The following RAB5C variants were observed in gnomAD, a reference collection of about 807,000 sequenced individuals.
RAB5C encodes the protein ras-related protein Rab-5C.
A neutral mutation model predicts 25.2 loss-of-function variants in RAB5C; 4 were observed. That is an observed-to-expected ratio of 0.16 (90% CI 0.08 to 0.36). The LOEUF (loss-of-function observed/expected upper bound fraction) is 0.36, where lower values mean the gene tolerates loss of function less well. Among genes scored for constraint, RAB5C ranks in the 10% least tolerant of loss-of-function variants. The pLI is 1.00. For synonymous variants in RAB5C, 100 were observed against 106.4 expected (o/e 0.94, Z 0.37); for missense variants, 199 against 283.8 (o/e 0.70, Z 2.15).
chr17:42,150,543 T>C (rs1249676052), intron 1 of RAB5C, among the ~76,000 whole-genome samples: 1 of 22,154 alleles, frequency 4.5e-5, no homozygotes, highest in Non-Finnish European at 7.0e-5. Context: ...AAACTCCATC[T>C]CAAAAAAAAA....
At chr17:42,129,854 C>G (rs892600579) in intron 2 of RAB5C, among the ~76,000 whole-genome samples, 1 of 152,212 alleles carries the variant, frequency 6.6e-6, no homozygotes, top group Admixed American at 6.5e-5. Flanking sequence ...TAAATGCTGA[C>G]CACTGGAAAA....
At chr17:42,133,569 G>GC (rs2054507302) in intron 1 of RAB5C, among the ~76,000 whole-genome samples, 1 of 152,204 alleles carries the variant, frequency 6.6e-6, no homozygotes, top group Non-Finnish European at 1.5e-5. Flanking sequence ...TTGGCACAGA[G>GC]CCCAGCATCT....
rs1464086645 is a variant in RAB5C, at chr17:42,149,897, G to A, written c.-89+4996C>T. 8.2e-5 allele frequency among the ~76,000 whole-genome samples: 4 copies of A among 48,520 alleles called. No homozygotes were observed. In the South Asian group the frequency reaches 3.1e-3, roughly 37 times the overall value. 31.8% of individuals were successfully genotyped at this position (48,520 alleles called of 152,430 possible). ...GCTGGTTTTTTTTTTTTTTTTTTTT[G>A]AGATAGACTCTTGGTCTGTTGCCCA... On this transcript the variant is annotated intron_variant, in intron 1 of 5. Transcript: ENST00000346213.
At chr17:42,131,784 G>A in intron 1 of RAB5C, 1 of 593,574 alleles carries the variant, frequency 1.7e-6, no homozygotes, top group Non-Finnish European at 3.0e-6. Context: ...GTTAAGTTTT[G>A]GAATTGCAGA....
rs138477310 is a variant in RAB5C, at chr17:42,153,648, A to G, written c.-89+1245T>C. On this transcript the variant is annotated intron_variant, in intron 1 of 5. Transcript: ENST00000346213. ...GTCCCTTCCTCCACTGTAGATAGCA[A>G]GGGTCAGTCATGGCCTCAGAGCCAG... Among the ~76,000 whole-genome samples, 141 of 152,312 alleles carry G rather than the reference A, an allele frequency of 9.3e-4. 1 individual carries two copies. In the Middle Eastern group the frequency reaches 0.01, roughly 11 times the overall value.
intron 1 of RAB5C, among the ~76,000 whole-genome samples, chr17:42,146,686 T>C (rs780510578): frequency 1.3e-4 from 20 of 150,528 alleles, no homozygotes; most frequent in Admixed American, 3.3e-4. Flanking sequence ...GAGACGGAGG[T>C]TGCAGTGAGC....
At chr17:42,135,816 G>C (rs915973049) in intron 1 of RAB5C, among the ~76,000 whole-genome samples, 1 of 152,134 alleles carries the variant, frequency 6.6e-6, no homozygotes, top group African/African-American at 2.4e-5. Context: ...TGAGTGTCTC[G>C]TGTACTTCCT....
chr17:42,151,163 G>A (rs1421943531), intron 1 of RAB5C, among the ~76,000 whole-genome samples: 3 of 152,006 alleles, frequency 2.0e-5, no homozygotes, highest in Non-Finnish European at 4.4e-5. Context: ...CTGGCCAGGC[G>A]CAGTGGCTCA....
At chr17:42,137,583 A>G (rs1304473258) in intron 1 of RAB5C, among the ~76,000 whole-genome samples, 1 of 152,158 alleles carries the variant, frequency 6.6e-6, no homozygotes, top group Non-Finnish European at 1.5e-5. Flanking sequence ...TAGTATGAAG[A>G]AAATAATATT....
intron 1 of RAB5C, chr17:42,154,514 G>C (rs1215695021): frequency 6.6e-6 from 1 of 152,306 alleles, no homozygotes; most frequent in Non-Finnish European, 1.5e-5. Flanking sequence ...TTGTGGGACA[G>C]GAGGAAGGAA....
chr17:42,146,316 A>G (rs1295348263), intron 1 of RAB5C, among the ~76,000 whole-genome samples: 2 of 152,260 alleles, frequency 1.3e-5, no homozygotes, highest in Non-Finnish European at 2.9e-5. Flanking sequence ...ACGTACTAAC[A>G]TAAGATGTTA....
At chr17:42,138,039 C>T (rs549131525) in intron 1 of RAB5C, among the ~76,000 whole-genome samples, 2 of 152,304 alleles carry the variant, frequency 1.3e-5, no homozygotes, top group South Asian at 4.1e-4. Context: ...GATATATTTA[C>T]TGTTTGGGCT....
At chr17:42,129,321 G>T (rs114772763) in intron 2 of RAB5C, among the ~76,000 whole-genome samples, 1,671 of 152,226 alleles carry the variant, frequency 0.011, 36 homozygotes, top group African/African-American at 0.038. Flanking sequence ...ACCAGGCTGA[G>T]GCTGGGTGGC....
At chr17:42,130,901 G>T (rs2144066767) in intron 1 of RAB5C, among the ~76,000 whole-genome samples, 1 of 152,246 alleles carries the variant, frequency 6.6e-6, no homozygotes, top group East Asian at 1.9e-4. Flanking sequence ...AACACACACA[G>T]GCGATGAATG....
chr17:42,126,359 G>T (rs575784332), intron 5 of RAB5C, among the ~76,000 whole-genome samples: 2 of 152,098 alleles, frequency 1.3e-5, no homozygotes, highest in Non-Finnish European at 2.9e-5. Flanking sequence ...GGGGCTGGGC[G>T]CAGTGGCTTA....
At chr17:42,142,414 T>C (rs1400449799) in intron 1 of RAB5C, among the ~76,000 whole-genome samples, 1 of 152,128 alleles carries the variant, frequency 6.6e-6, no homozygotes. Flanking sequence ...AGTTCAGTTG[T>C]TGAGAGGGCT....
chr17:42,125,935 A>AC, intron 5 of RAB5C, 37 bp from the exon 6 acceptor site: 6 of 1,439,314 alleles, frequency 4.2e-6, no homozygotes, highest in East Asian at 2.4e-5. Flanking sequence ...TGTTGGGGGT[A>AC]CCCCAATAAC....
intron 2 of RAB5C, among the ~76,000 whole-genome samples, 181 bp from the exon 3 acceptor site, chr17:42,128,981 G>T (rs1319979235): frequency 6.6e-6 from 1 of 152,086 alleles, no homozygotes; most frequent in South Asian, 2.1e-4. Context: ...TTATGTATGT[G>T]TCTGGGGGAC....
At chr17:42,135,537 G>A (rs941968342) in intron 1 of RAB5C, among the ~76,000 whole-genome samples, 1 of 152,136 alleles carries the variant, frequency 6.6e-6, no homozygotes, top group Admixed American at 6.5e-5. Context: ...AGCTACAGTT[G>A]ATATACGAAG....
Sources: allele counts gnomAD v4.1 joint callset (sites outside exome capture counted in the v4.1 genomes callset), GRCh38; gene constraint gnomAD v4.1.1; transcripts MANE v1.5; gene names NCBI Gene and HGNC (gene_info 2026-07-23, HGNC 2026-07-21).